The following TMTC2 variants were observed in gnomAD, a reference collection of about 807,000 sequenced individuals.
The protein encoded by TMTC2 is transmembrane O-mannosyltransferase targeting cadherins 2, also known as protein O-mannosyl-transferase TMTC2.
TMTC2 carries 43 observed loss-of-function variants against 82.4 expected under a neutral mutation model. The ratio of observed to expected loss-of-function variants is 0.52; its 90% CI spans 0.41 to 0.67. The LOEUF (loss-of-function observed/expected upper bound fraction) is 0.67. Ranked by LOEUF, TMTC2 falls within the 30% of genes least tolerant of loss-of-function variation. TMTC2 has a pLI of 0.00. For missense variants in TMTC2, 919 were observed against 1,012.4 expected (o/e 0.91, Z 1.25); for synonymous variants, 408 against 381.9 (o/e 1.07, Z -0.80).
At chr12:82,815,573 A>G (rs956228969) in intron 1 of TMTC2, among the ~76,000 whole-genome samples, 26 of 151,890 alleles carry the variant, frequency 1.7e-4, no homozygotes, top group African/African-American at 6.3e-4. Flanking sequence ...CGGCCTCCCA[A>G]AGTGCTGGGA....
intron 2 of TMTC2, among the ~76,000 whole-genome samples, chr12:82,883,335 A>G (rs1161935409): frequency 6.6e-6 from 1 of 152,182 alleles, no homozygotes; most frequent in East Asian, 1.9e-4. Context: ...CATTGAAATT[A>G]TATGCTTATT....
intron 1 of TMTC2, among the ~76,000 whole-genome samples, chr12:82,825,132 A>G (rs11115447): frequency 0.19 from 28,895 of 151,876 alleles, 5,449 homozygotes; most frequent in African/African-American, 0.49. Flanking sequence ...AGATCAGAAG[A>G]CACTGTATGT....
rs1873697568 is a variant in TMTC2, at chr12:82,896,512, TC to T, written c.1351del (p.Leu451SerfsTer4). Reference protein sequence around the residue: ...RALYVKVQKRFLKSLIFYATA... With the variant: ...RALYVKVQKRXLKSLIFYATA... ...CTTTATGTCAAAGTCCAAAAGCGGTTCCTCAAGAGCTTGATTTTTTATGCTA... is the reference window on the plus strand; with the variant it reads ...CTTTATGTCAAAGTCCAAAAGCGGTTCTCAAGAGCTTGATTTTTTATGCTA... On this transcript the variant is annotated frameshift_variant, in exon 3 of 12. Transcript: ENST00000321196. LOFTEE classifies it high-confidence loss of function. The T allele has an allele frequency of 6.2e-7, 1 of 1,614,082 alleles. No homozygotes were observed. The highest frequency in any genetic ancestry group is 1.3e-5 in the African/African-American group (1 of 74,942).
intron 4 of TMTC2, among the ~76,000 whole-genome samples, chr12:82,951,869 T>A (rs566847037): frequency 6.6e-6 from 1 of 152,316 alleles, no homozygotes; most frequent in East Asian, 1.9e-4. Flanking sequence ...ATGTCATTTT[T>A]AACCAGTATT....
At chr12:82,705,644 G>A (rs1021533438) in intron 1 of TMTC2, among the ~76,000 whole-genome samples, 3 of 152,220 alleles carry the variant, frequency 2.0e-5, no homozygotes, top group African/African-American at 4.8e-5. Context: ...ATTGGCCTTT[G>A]ATTTAAGAGT....
intron 7 of TMTC2, among the ~76,000 whole-genome samples, chr12:82,969,076 CAA>C (rs1878342183): frequency 6.6e-6 from 1 of 152,044 alleles, no homozygotes; most frequent in South Asian, 2.1e-4. Context: ...TTAAATACCC[CAA>C]GTGTTGGCTC....
chr12:82,759,613 A>G (rs1416117563), intron 1 of TMTC2: 2 of 152,200 alleles, frequency 1.3e-5, no homozygotes, highest in African/African-American at 2.4e-5. Flanking sequence ...TTACCTTATA[A>G]ACTTTTAATA....
At chr12:82,735,355 T>TC (rs1875031103) in intron 1 of TMTC2, among the ~76,000 whole-genome samples, 1 of 151,168 alleles carries the variant, frequency 6.6e-6, no homozygotes, top group Non-Finnish European at 1.5e-5. Context: ...TTTGATTTTT[T>TC]TTTTTTTTGA....
chr12:82,891,211 T>C (rs1873377027), intron 2 of TMTC2, among the ~76,000 whole-genome samples: 1 of 152,250 alleles, frequency 6.6e-6, no homozygotes, highest in South Asian at 2.1e-4. Context: ...ATGCTTTCTT[T>C]TATCTTGTTT....
chr12:82,915,299 CT>C (rs1349593790), intron 3 of TMTC2, among the ~76,000 whole-genome samples: 1 of 152,120 alleles, frequency 6.6e-6, no homozygotes, highest in Non-Finnish European at 1.5e-5. Context: ...GCAATACCAT[CT>C]TGTGGTTATG....
intron 3 of TMTC2, among the ~76,000 whole-genome samples, chr12:82,930,085 G>T (rs1017981688): frequency 1.3e-5 from 2 of 151,890 alleles, no homozygotes; most frequent in Non-Finnish European, 1.5e-5. Flanking sequence ...GCAGTTTCTG[G>T]CCCAGTAAGT....
intron 1 of TMTC2, among the ~76,000 whole-genome samples, chr12:82,745,453 C>G (rs1394901469): frequency 6.6e-6 from 1 of 152,144 alleles, no homozygotes; most frequent in Non-Finnish European, 1.5e-5. Flanking sequence ...ACTAGAGTGT[C>G]CTAAGTGAAG....
chr12:82,854,670 G>A (rs934391429), intron 1 of TMTC2, among the ~76,000 whole-genome samples: 2 of 152,036 alleles, frequency 1.3e-5, no homozygotes, highest in African/African-American at 4.8e-5. Context: ...ATAGATATTG[G>A]GTGATATCCC....
intron 8 of TMTC2, among the ~76,000 whole-genome samples, chr12:83,018,377 G>A (rs773393521): frequency 1.5e-4 from 23 of 152,192 alleles, no homozygotes; most frequent in Non-Finnish European, 1.9e-4. Context: ...GAGCCAAACA[G>A]CATAGCACTT....
chr12:83,043,804 A>G (rs1881985006), intron 9 of TMTC2, among the ~76,000 whole-genome samples: 1 of 152,228 alleles, frequency 6.6e-6, no homozygotes. Context: ...ATATTAACCT[A>G]TGAAAGAAAC....
chr12:83,077,092 C>G (rs1883305221), intron 11 of TMTC2, among the ~76,000 whole-genome samples: 1 of 152,166 alleles, frequency 6.6e-6, no homozygotes, highest in South Asian at 2.1e-4. Context: ...AGGCTCAACT[C>G]TATAGCAAAG....
chr12:82,785,593 T>G (rs1320556621), intron 1 of TMTC2, among the ~76,000 whole-genome samples: 1 of 152,068 alleles, frequency 6.6e-6, no homozygotes, highest in East Asian at 1.9e-4. Flanking sequence ...GACTGCATAA[T>G]TTAAGCAGAC....
chr12:82,874,631 AC>A (rs1348954452), intron 2 of TMTC2, among the ~76,000 whole-genome samples: 1 of 152,016 alleles, frequency 6.6e-6, no homozygotes, highest in African/African-American at 2.4e-5. Flanking sequence ...TTAAAATAAT[AC>A]CCCCTTTTCT....
At chr12:83,109,543 G>A (rs1039756555) in intron 11 of TMTC2, among the ~76,000 whole-genome samples, 1 of 152,074 alleles carries the variant, frequency 6.6e-6, no homozygotes, top group Admixed American at 6.5e-5. Context: ...ACACCTCTGT[G>A]GTCTCATTTC....
Sources: gnomAD v4.1 joint callset for allele counts (sites outside exome capture counted in the v4.1 genomes callset) on GRCh38, gnomAD v4.1.1 for gene constraint, MANE v1.5 for transcripts, NCBI Gene and HGNC (gene_info 2026-07-23, HGNC 2026-07-21) for gene names.